MLXIP: variants seen among roughly 807,000 people sequenced by gnomAD.
MLXIP encodes the protein MLX interacting protein, also known as MLX-interacting protein.
MLXIP carries 30 observed loss-of-function variants against 87.2 expected under a neutral mutation model. The observed-to-expected ratio is 0.34, with a 90% CI of 0.26 to 0.47. The LOEUF (loss-of-function observed/expected upper bound fraction) is 0.47. MLXIP is among the 20% of genes least tolerant of loss of function. The pLI, the probability that MLXIP is intolerant of heterozygous loss-of-function variation, is 1.00. For missense variants in MLXIP, 1,002 were observed against 1,240.1 expected (o/e 0.81, Z 2.88); for synonymous variants, 530 against 514.0 (o/e 1.03, Z -0.42).
Position 122,133,135 on chromosome 12 carries a change from C to G in MLXIP, c.1093-213C>G. ...TGAGGGCCGTTGCCTTATCTGAGCT[C>G]TGAGTTATTTAGTTTTTAATGGAAA... On this transcript the variant is annotated intron_variant, in intron 8 of 16. Transcript: ENST00000319080. The surrounding 1 kb of genome is among the most constrained non-coding windows in gnomAD (Gnocchi z 4.9). The G allele has an allele frequency of 2.0e-6, 1 of 503,564 alleles. No homozygotes were observed. The highest frequency in any genetic ancestry group is 3.4e-6 in the Non-Finnish European group (1 of 296,582). 31.2% of individuals were successfully genotyped at this position (503,564 alleles called of 1,614,324 possible).
intron 1 of MLXIP, among the ~76,000 whole-genome samples, chr12:122,105,715 G>A (rs1388668592): frequency 6.6e-6 from 1 of 151,808 alleles, no homozygotes; most frequent in Non-Finnish European, 1.5e-5. Flanking sequence ...TAGAGGCGGA[G>A]CTTGCAGTGA....
In MLXIP at chr12:122,078,838, C is replaced by T; in HGVS notation, c.-16C>T. ...TGCCCCGGGCTCCGGGGGATGCCCC[C>T]GGCCGAGCCCTTCTCATGGCCGCCG... On this transcript the variant is annotated 5_prime_UTR_variant, in exon 1 of 17. Transcript: ENST00000319080. 1.1e-5 allele frequency: 12 copies of T among 1,061,384 alleles called. No individual in the cohort carries two copies. The highest frequency in any genetic ancestry group is 1.4e-5 in the Non-Finnish European group (12 of 879,642). 65.7% of individuals were successfully genotyped at this position (1,061,384 alleles called of 1,614,324 possible). A position where few individuals can be genotyped will look rare whatever the true frequency, so the allele number is the denominator to read the frequency against.
intron 1 of MLXIP, among the ~76,000 whole-genome samples, chr12:122,123,215 C>T (rs1952812400): frequency 6.6e-6 from 1 of 152,182 alleles, no homozygotes; most frequent in Non-Finnish European, 1.5e-5. Flanking sequence ...CACCTTGCCA[C>T]CTTCTGAGGC....
intron 1 of MLXIP, among the ~76,000 whole-genome samples, chr12:122,125,634 A>G (rs1481173166): frequency 2.6e-5 from 4 of 152,232 alleles, no homozygotes; most frequent in South Asian, 2.1e-4. Flanking sequence ...AGGCCAGGCC[A>G]TCAGCATGGA....
chr12:122,084,391 GGAGGAAGGA>G (rs1368584110), intron 1 of MLXIP, among the ~76,000 whole-genome samples: 1 of 152,180 alleles, frequency 6.6e-6, no homozygotes, highest in African/African-American at 2.4e-5. Context: ...TGCTGGAAGG[GGAGGAAGGA>G]GAGGAAGGGG....
Position 122,078,757 on chromosome 12 carries a change from G to C in MLXIP, c.-97G>C. 1 of 991,692 alleles carries C rather than the reference G, an allele frequency of 1.0e-6. No homozygotes were observed. Among genetic ancestry groups the C allele is most frequent in the Non-Finnish European group, 1.2e-6 (1 of 831,032 alleles). 61.4% of individuals were successfully genotyped at this position (991,692 alleles called of 1,614,324 possible). ...CCGCCGCGCCGCGCGCTCGCGGACA[G>C]TCGGCGCGCGGGCCGGGCCGGGCCG... On this transcript the variant is annotated 5_prime_UTR_variant, in exon 1 of 17. Coordinates refer to ENST00000319080, the MANE Select transcript of MLXIP (RefSeq NM_014938.6).
intron 1 of MLXIP, among the ~76,000 whole-genome samples, chr12:122,112,421 A>T (rs543991568): frequency 5.9e-5 from 9 of 152,138 alleles, no homozygotes; most frequent in African/African-American, 2.2e-4. Context: ...GGCGGATCAC[A>T]AGGTCAGGAG....
chr12:122,097,627 A>AAT (rs1565962267), intron 1 of MLXIP, among the ~76,000 whole-genome samples: 2 of 149,782 alleles, frequency 1.3e-5, no homozygotes, highest in Non-Finnish European at 1.5e-5. Context: ...AAAAAAAAAA[A>AAT]GTAATTAATT....
intron 1 of MLXIP, among the ~76,000 whole-genome samples, chr12:122,122,859 T>C (rs765145893): frequency 1.2e-3 from 143 of 122,856 alleles, no homozygotes; most frequent in Admixed American, 3.8e-3. Context: ...CTTTTCTTTT[T>C]CTTTTTTTTT....
chr12:122,128,198 A>G (rs1565981179), intron 3 of MLXIP: 1 of 503,544 alleles, frequency 2.0e-6, no homozygotes, highest in Non-Finnish European at 3.6e-6. Context: ...GAGGGGGTTA[A>G]TATCTTTCTG....
At chr12:122,134,893 C>T (rs577650882) in intron 9 of MLXIP, 44 of 343,550 alleles carry the variant, frequency 1.3e-4, no homozygotes, top group African/African-American at 9.0e-4. Context: ...AGGCTGGTCT[C>T]GAACTCCTGA....
At chr12:122,128,987 A>C in intron 3 of MLXIP, 150 bp from the exon 4 acceptor site, 1 of 655,090 alleles carries the variant, frequency 1.5e-6, no homozygotes, top group Non-Finnish European at 2.8e-6. Flanking sequence ...AAGAAGTGGG[A>C]CGTACTTTCT....
chr12:122,121,009 G>GTTTTTTTTTTTTTTTTTTTT (rs776332981), intron 1 of MLXIP, among the ~76,000 whole-genome samples: 29 of 102,184 alleles, frequency 2.8e-4, no homozygotes, highest in African/African-American at 1.1e-3. Flanking sequence ...CTGCATGCTT[G>GTTTTTTTTTTTTTTTTTTTT]GTTTTTTTTT....
Position 122,134,001 on chromosome 12 carries a change from G to T in MLXIP, c.1732+14G>T. On this transcript the variant is annotated intron_variant, in intron 9 of 16. Transcript: ENST00000319080. Reference sequence around the variant, plus strand: ...GTATCGCCCCAGGTGAGCCAGGCGGGGAGACTCAGTGCGGGGCTCCCCCCG... The same window carrying T: ...GTATCGCCCCAGGTGAGCCAGGCGGTGAGACTCAGTGCGGGGCTCCCCCCG... 6.3e-7 allele frequency: 1 copy of T among 1,586,918 alleles called. No homozygotes were observed. Among genetic ancestry groups the T allele is most frequent in the Non-Finnish European group, 8.6e-7 (1 of 1,165,830 alleles).
In MLXIP at chr12:122,116,053, A is replaced by AACACACACACACAC. The variant is rs138548664; in HGVS notation, c.414-11181_414-11168dup. ...GTGACAGAGCGAGACTCCATCTGAA[A>AACACACACACACAC]ACACACACACACACACACACACACA... is the stretch of plus-strand genomic sequence containing the variant. On this transcript the variant is annotated intron_variant, in intron 1 of 16. Transcript: ENST00000319080. Among the ~76,000 whole-genome samples the AACACACACACACAC allele has an allele frequency of 7.9e-3, 1,169 of 147,302 alleles. 23 individuals carry two copies. The highest frequency in any genetic ancestry group is 0.028 in the African/African-American group (1,106 of 39,428).
intron 1 of MLXIP, among the ~76,000 whole-genome samples, chr12:122,112,740 G>A (rs549560824): frequency 1.3e-5 from 2 of 152,292 alleles, no homozygotes; most frequent in East Asian, 3.8e-4. Flanking sequence ...GGTGTATGAT[G>A]AAGATGGACC....
intron 6 of MLXIP, 60 bp from the exon 7 acceptor site, chr12:122,130,784 T>C: frequency 1.6e-6 from 2 of 1,238,996 alleles, no homozygotes; most frequent in East Asian, 2.3e-5. Context: ...AGGCCTTTTT[T>C]ACGTTCCTGC....
chr12:122,107,246 C>G (rs942641529), intron 1 of MLXIP, among the ~76,000 whole-genome samples: 1 of 152,006 alleles, frequency 6.6e-6, no homozygotes, highest in African/African-American at 2.4e-5. Context: ...GCTGTGAAAC[C>G]CCCAGCTGCA....
intron 1 of MLXIP, among the ~76,000 whole-genome samples, chr12:122,116,868 A>G (rs1952700346): frequency 6.6e-6 from 1 of 152,172 alleles, no homozygotes; most frequent in African/African-American, 2.4e-5. Context: ...CAGAAATGGA[A>G]CCACTCTGCT....
Sources: allele counts gnomAD v4.1 joint callset (sites outside exome capture counted in the v4.1 genomes callset), GRCh38; gene constraint gnomAD v4.1.1; non-coding constraint Gnocchi (gnomAD v3.1); transcripts MANE v1.5; gene names NCBI Gene and HGNC (gene_info 2026-07-23, HGNC 2026-07-21).